Variants in TBC1D32 observed in about 807,000 individuals in gnomAD.
The protein encoded by TBC1D32 is protein broad-minded.
A neutral mutation model predicts 170.3 loss-of-function variants in TBC1D32; 151 were observed. The ratio of observed to expected loss-of-function variants is 0.89; its 90% CI spans 0.78 to 1.01. The LOEUF is 1.01. Among genes scored for constraint, TBC1D32 ranks in the 50% least tolerant of loss-of-function variants. The pLI, the probability that TBC1D32 is intolerant of heterozygous loss-of-function variation, is 0.00. For missense variants in TBC1D32, 1,464 were observed against 1,457.1 expected, an observed-to-expected ratio of 1.00 and a Z score of -0.08; for synonymous variants, 498 against 488.0, an observed-to-expected ratio of 1.02 and a Z score of -0.27.
At chr6:121,322,505 T>C (rs1291568518) in intron 1 of TBC1D32, among the ~76,000 whole-genome samples, 2 of 152,228 alleles carry the variant, frequency 1.3e-5, no homozygotes, top group South Asian at 4.1e-4. Context: ...CAGCCTAAAA[T>C]GTTACCTTCT....
At chr6:121,160,170 C>A in intron 23 of TBC1D32, 67 bp from the exon 24 acceptor site, 1 of 1,058,912 alleles carries the variant, frequency 9.4e-7, no homozygotes, top group South Asian at 1.5e-5. Flanking sequence ...TTAAAGCTAT[C>A]TGAAATATTG....
intron 1 of TBC1D32, among the ~76,000 whole-genome samples, chr6:121,327,640 T>G (rs1306646040): frequency 6.6e-6 from 1 of 152,152 alleles, no homozygotes; most frequent in Admixed American, 6.6e-5. Context: ...ATAGAGGTTG[T>G]GGTAAAATAA....
At chr6:121,293,394 T>C (rs1805157973) in intron 11 of TBC1D32, among the ~76,000 whole-genome samples, 2 of 152,196 alleles carry the variant, frequency 1.3e-5, no homozygotes. Context: ...CCATTAATTA[T>C]TGGTCTATCA....
chr6:121,292,270 C>T (rs934224875), intron 11 of TBC1D32, 77 bp from the exon 12 acceptor site: 3 of 1,410,394 alleles, frequency 2.1e-6, no homozygotes, highest in Non-Finnish European at 2.9e-6. Flanking sequence ...CCCTTCTAGA[C>T]ATTAAACAAG....
At chr6:121,197,259 C>T (rs570928382) in intron 22 of TBC1D32, among the ~76,000 whole-genome samples, 1 of 152,242 alleles carries the variant, frequency 6.6e-6, no homozygotes, top group Admixed American at 6.5e-5. Flanking sequence ...CAATGGGAAA[C>T]TACAACAGCC....
At chr6:121,289,958 G>A (rs1563258132) in intron 12 of TBC1D32, among the ~76,000 whole-genome samples, 1 of 152,316 alleles carries the variant, frequency 6.6e-6, no homozygotes, top group East Asian at 1.9e-4. Context: ...GTAGAAAGCT[G>A]AAACTGGATC....
chr6:121,082,140 T>C (rs768432695), intron 31 of TBC1D32, among the ~76,000 whole-genome samples: 4 of 152,020 alleles, frequency 2.6e-5, no homozygotes. Context: ...TGATTAGCAC[T>C]GAAGACACGA....
intron 15 of TBC1D32, 117 bp from the exon 16 acceptor site, chr6:121,256,402 C>T (rs1799020883): frequency 1.3e-6 from 1 of 797,780 alleles, no homozygotes; most frequent in Non-Finnish European, 1.9e-6. Flanking sequence ...TTTTCTCAGA[C>T]ATGTCAATAT....
At position 121,210,698 on chromosome 6, in the gene TBC1D32, A is replaced by C. The variant is rs138703175; in HGVS notation, c.2482-5535T>G. On this transcript the variant is annotated intron_variant, in intron 21 of 31. Transcript: ENST00000398212. ...AGATTATGGGGGTGGGCTTGACCTA[A>C]TCAAACAAGCAATTTAAAAGTGGAA... Among the ~76,000 whole-genome samples, 469 of 152,340 alleles carry C rather than the reference A, an allele frequency of 3.1e-3. 1 individual carries two copies. The highest frequency in any genetic ancestry group is 0.011 in the African/African-American group (440 of 41,586).
intron 22 of TBC1D32, among the ~76,000 whole-genome samples, chr6:121,188,161 A>G (rs1789446309): frequency 1.3e-5 from 2 of 152,182 alleles, no homozygotes; most frequent in South Asian, 2.1e-4. Flanking sequence ...TACCTACTTC[A>G]TAAGTTTGTT....
intron 10 of TBC1D32, among the ~76,000 whole-genome samples, chr6:121,295,314 A>G (rs1346820867): frequency 3.4e-5 from 5 of 147,422 alleles, no homozygotes; most frequent in African/African-American, 1.2e-4. Flanking sequence ...AAAAGCCACC[A>G]GTGATATACG....
intron 27 of TBC1D32, among the ~76,000 whole-genome samples, chr6:121,114,315 T>A (rs1779479661): frequency 1.3e-5 from 2 of 152,206 alleles, no homozygotes; most frequent in African/African-American, 4.8e-5. Flanking sequence ...CTGTAATATA[T>A]TCAAACATTT....
intron 20 of TBC1D32, among the ~76,000 whole-genome samples, chr6:121,228,896 C>T (rs906632919): frequency 1.3e-5 from 2 of 152,058 alleles, no homozygotes; most frequent in African/African-American, 4.8e-5. Context: ...TTTAATACTA[C>T]ATATATTTTA....
intron 24 of TBC1D32, among the ~76,000 whole-genome samples, chr6:121,134,961 C>CA (rs988612987): frequency 9.7e-6 from 1 of 102,828 alleles, no homozygotes; most frequent in East Asian, 2.3e-4. Flanking sequence ...GAGACAAAGG[C>CA]CCCCCTGACT....
chr6:121,152,349 G>A (rs1019742829), intron 24 of TBC1D32, among the ~76,000 whole-genome samples: 1 of 152,114 alleles, frequency 6.6e-6, no homozygotes, highest in African/African-American at 2.4e-5. Context: ...TGGCTTGTAG[G>A]GTTTCTGCAG....
rs1298445071 is a variant in TBC1D32, at chr6:121,160,061, A to G, written c.2722T>C (p.Leu908=). The change falls in exon 24 of 32, where the codon TTG becomes CTG. Residue 908 remains leucine (L), a synonymous_variant. Coordinates refer to ENST00000398212, the MANE Select transcript of TBC1D32 (RefSeq NM_152730.6). Reference sequence around the variant, plus strand: ...ATGTCTGACAGATAGCAGTTTGGCAATGGATATGATGAAAACATTGGCCAA... The same window carrying G: ...ATGTCTGACAGATAGCAGTTTGGCAGTGGATATGATGAAAACATTGGCCAA... ...YPWPMFSSYP[L]PNCYLSDITR... 6.2e-7 allele frequency: 1 copy of G among 1,608,682 alleles called. No individual in the cohort carries two copies. The highest frequency in any genetic ancestry group is 1.1e-5 in the South Asian group (1 of 90,488).
chr6:121,250,251 C>G (rs893520316), intron 17 of TBC1D32, among the ~76,000 whole-genome samples: 5 of 152,024 alleles, frequency 3.3e-5, no homozygotes, highest in African/African-American at 4.8e-5. Flanking sequence ...CCAGCATCAT[C>G]CTGATACCAA....
chr6:121,272,852 A>G (rs1247817151), intron 15 of TBC1D32, among the ~76,000 whole-genome samples: 1 of 152,218 alleles, frequency 6.6e-6, no homozygotes, highest in South Asian at 2.1e-4. Flanking sequence ...AAGACTTGGA[A>G]CCAACCCAAA....
chr6:121,137,282 A>G (rs532763028), intron 24 of TBC1D32, among the ~76,000 whole-genome samples: 21 of 152,074 alleles, frequency 1.4e-4, no homozygotes, highest in Non-Finnish European at 2.9e-4. Flanking sequence ...TTCTAGAGAC[A>G]GAATATAATA....
Sources: gnomAD v4.1 joint callset for allele counts (sites outside exome capture counted in the v4.1 genomes callset) on GRCh38, gnomAD v4.1.1 for gene constraint, MANE v1.5 for transcripts, NCBI Gene and HGNC (gene_info 2026-07-23, HGNC 2026-07-21) for gene names.